FGF13: variants seen among roughly 807,000 people sequenced by gnomAD.
FGF13 encodes fibroblast growth factor homologous factor 2.
In FGF13, 2 loss-of-function variants were observed where a neutral mutation model predicts 19.5. The observed-to-expected ratio is 0.10, with a 90% CI of 0.04 to 0.32. The LOEUF (loss-of-function observed/expected upper bound fraction) is 0.32. FGF13 is among the 10% of genes least tolerant of loss of function. The pLI is 1.00. For synonymous variants in FGF13, 72 were observed against 76.9 expected (o/e 0.94, Z 0.33); for missense variants, 113 against 192.7 (o/e 0.59, Z 2.45).
At chrX:138,838,732 C>G (rs2091129801) in intron 3 of FGF13, among the ~76,000 whole-genome samples, 1 of 111,674 alleles carries the variant, frequency 9.0e-6, no homozygotes, top group African/African-American at 3.3e-5. Flanking sequence ...CCATTCCCTC[C>G]ATTGTATTTT....
chrX:138,858,645 A>G (rs952844436), intron 2 of FGF13, among the ~76,000 whole-genome samples: 1 of 111,528 alleles, frequency 9.0e-6, no homozygotes, highest in Admixed American at 9.6e-5. Flanking sequence ...GCTTTGATTA[A>G]TGACGAGCTG....
At chrX:138,971,375 A>G (rs190957490) in intron 1 of FGF13, among the ~76,000 whole-genome samples, 4 of 111,309 alleles carry the variant, frequency 3.6e-5, no homozygotes, top group African/African-American at 1.3e-4. Flanking sequence ...TTTGTTTTTC[A>G]GTTTTATTTT....
At position 138,996,762 on chromosome X, in the gene FGF13, C is replaced by T. The variant is rs549955356; in HGVS notation, c.-112-132112G>A. Among the ~76,000 whole-genome samples, 19 of 112,433 alleles carry T rather than the reference C, an allele frequency of 1.7e-4. No individual in the cohort carries two copies. In the South Asian group the frequency reaches 5.5e-3, roughly 33 times the overall value. ...CCGCTGTGGGCGCAGCTTCAGCAGA[C>T]TTAAACATCCCTGCCTGACAGCTCT... is the stretch of plus-strand genomic sequence containing the variant. On this transcript the variant is annotated intron_variant, in intron 1 of 2. Coordinates refer to the FGF13 transcript ENST00000421460.
intron 3 of FGF13, among the ~76,000 whole-genome samples, chrX:138,774,033 T>A (rs2090568254): frequency 8.9e-6 from 1 of 111,745 alleles, no homozygotes; most frequent in African/African-American, 3.3e-5. Context: ...CTGTCCTCTG[T>A]CCTTTCATTG....
chrX:138,858,215 T>G (rs1053622130), intron 2 of FGF13, among the ~76,000 whole-genome samples: 2 of 112,039 alleles, frequency 1.8e-5, no homozygotes, highest in African/African-American at 6.5e-5. Flanking sequence ...ATTCTTCAGA[T>G]GTTCAAAACC....
At chrX:138,904,402 T>C (rs1445404367) in intron 1 of FGF13, among the ~76,000 whole-genome samples, 1 of 92,633 alleles carries the variant, frequency 1.1e-5, no homozygotes, top group Non-Finnish European at 2.1e-5. Context: ...ACAAATTGAA[T>C]TGCTTCGAAT....
intron 3 of FGF13, among the ~76,000 whole-genome samples, chrX:138,665,892 A>C (rs960253903): frequency 2.7e-5 from 3 of 111,197 alleles, no homozygotes; most frequent in Admixed American, 1.9e-4. Flanking sequence ...AAAAAAAAGA[A>C]AGCAGGGAGC....
intron 1 of FGF13, among the ~76,000 whole-genome samples, chrX:139,017,666 A>G (rs1486885409): frequency 9.0e-6 from 1 of 111,574 alleles, no homozygotes; most frequent in Non-Finnish European, 1.9e-5. Flanking sequence ...GAATGTCTCC[A>G]GTAAAATGCC....
At chrX:138,702,116 T>C (rs1423241978) in intron 3 of FGF13, among the ~76,000 whole-genome samples, 2 of 111,174 alleles carry the variant, frequency 1.8e-5, no homozygotes, top group Admixed American at 1.9e-4. Flanking sequence ...AACCCATCTC[T>C]GCTAAAAATA....
At chrX:139,176,385 T>C (rs2084184967) in intron 1 of FGF13, among the ~76,000 whole-genome samples, 1 of 107,811 alleles carries the variant, frequency 9.3e-6, no homozygotes, top group African/African-American at 3.4e-5. Context: ...GAAGGGTTTT[T>C]TTTTTTTTTT....
Position 139,083,820 on chromosome X carries a change from G to A in FGF13, c.-113+119596C>T, listed in dbSNP as rs777159322. On this transcript the variant is annotated intron_variant, in intron 1 of 2. Coordinates refer to the FGF13 transcript ENST00000421460. ...AGGGAGTCAGAGGTTGCAGTAAGCC[G>A]AGATCCCGCCACTGCATTCCAGCCT... 2.3e-4 allele frequency among the ~76,000 whole-genome samples: 26 copies of A among 110,966 alleles called. No homozygotes were observed. In the South Asian group the frequency reaches 6.2e-3, roughly 26 times the overall value.
chrX:138,781,919 G>A lies in FGF13; in HGVS notation c.218-72991C>T, dbSNP rs781185889. ...ATGCAAAAACCCTCAATAAAATACT[G>A]GCAAAACGAATCCAGCAGCACATCA... is the stretch of plus-strand genomic sequence containing the variant. On this transcript the variant is annotated intron_variant, in intron 3 of 6. Transcript: ENST00000436198. Among the ~76,000 whole-genome samples the A allele has an allele frequency of 1.6e-4, 18 of 111,901 alleles. No homozygotes were observed. In the Admixed American group the frequency reaches 1.7e-3, roughly 11 times the overall value.
chrX:138,643,054 A>G (rs1298564227), intron 3 of FGF13, among the ~76,000 whole-genome samples: 2 of 112,107 alleles, frequency 1.8e-5, no homozygotes, highest in Non-Finnish European at 3.8e-5. Flanking sequence ...GCCCCACAAA[A>G]TATGTCAACA....
chrX:138,912,274 C>A (rs1161792320), intron 1 of FGF13, among the ~76,000 whole-genome samples: 1 of 111,434 alleles, frequency 9.0e-6, no homozygotes, highest in African/African-American at 3.3e-5. Flanking sequence ...TGGCAATTTA[C>A]ATTTTGAACT....
chrX:138,800,113 A>C (rs943995591), intron 3 of FGF13, among the ~76,000 whole-genome samples: 2 of 112,081 alleles, frequency 1.8e-5, no homozygotes, highest in Non-Finnish European at 3.8e-5. Context: ...TGATCCTGTC[A>C]TCATGATGCT....
upstream of FGF13, chrX:139,204,222 G>A: frequency 1.5e-6 from 1 of 678,247 alleles, no homozygotes; most frequent in South Asian, 2.5e-5. Flanking sequence ...CCCTCGGTGT[G>A]GTTCGGGGCG....
chrX:138,970,366 G>A (rs2091910812), intron 1 of FGF13, among the ~76,000 whole-genome samples: 1 of 111,057 alleles, frequency 9.0e-6, no homozygotes, highest in South Asian at 3.8e-4. Flanking sequence ...GACATAGCTG[G>A]GACTGATATG....
At chrX:139,162,268 G>A (rs1455990096) in intron 1 of FGF13, among the ~76,000 whole-genome samples, 1 of 111,916 alleles carries the variant, frequency 8.9e-6, no homozygotes, top group Admixed American at 9.5e-5. Flanking sequence ...TCTGATCTTT[G>A]ACAAACCTGA....
chrX:138,974,366 G>C (rs1367238750), intron 1 of FGF13, among the ~76,000 whole-genome samples: 2 of 111,585 alleles, frequency 1.8e-5, no homozygotes. Flanking sequence ...TGATTAAAAG[G>C]ATATAAGCAG....
Sources: allele counts gnomAD v4.1 joint callset (sites outside exome capture counted in the v4.1 genomes callset), GRCh38; gene constraint gnomAD v4.1.1; transcripts MANE v1.5; gene names NCBI Gene and HGNC (gene_info 2026-07-23, HGNC 2026-07-21).